The following TTC28 variants were observed in gnomAD, a reference collection of about 807,000 sequenced individuals.
TTC28 encodes the protein tetratricopeptide repeat domain 28.
In TTC28, 61 loss-of-function variants were observed where a neutral mutation model predicts 198.0. That is an observed-to-expected ratio of 0.31 (90% CI 0.25 to 0.38). The LOEUF is 0.38. TTC28 is among the 10% of genes least tolerant of loss of function. The pLI is 1.00. For synonymous variants in TTC28, 1,171 were observed against 1,297.8 expected (o/e 0.90, Z 2.10); for missense variants, 2,678 against 3,164.0 (o/e 0.85, Z 3.69).
chr22:28,072,810 G>A lies in TTC28; in HGVS notation c.3932+21270C>T, dbSNP rs553903634. Among the ~76,000 whole-genome samples, 26 of 152,310 alleles carry A rather than the reference G, an allele frequency of 1.7e-4. No homozygotes were observed. In the South Asian group the frequency reaches 5.4e-3, roughly 32 times the overall value. ...AAGCCGGCTCCTGTTGGAACAGAGG[G>A]TTTACACCAGGAGATAGAGTGGGAC... On this transcript the variant is annotated intron_variant, in intron 12 of 22. Transcript: ENST00000397906.
At position 28,018,306 on chromosome 22, in the gene TTC28, C is replaced by T. The variant is rs562650687; in HGVS notation, c.4074-3914G>A. On this transcript the variant is annotated intron_variant, in intron 13 of 22. Coordinates refer to ENST00000397906, the MANE Select transcript of TTC28 (RefSeq NM_001145418.2). The stretch of plus-strand genomic sequence containing the variant: ...GTGTGTGCGCGCGTGTGTGCGCGCG[C>T]GGGGGGGGGGGCGGGGAACCTGTCC... Among the ~76,000 whole-genome samples the T allele has an allele frequency of 3.7e-3, 182 of 49,242 alleles. 1 individual carries two copies. Among genetic ancestry groups the T allele is most frequent in the Non-Finnish European group, 5.1e-3 (110 of 21,454 alleles). The allele number at this position is 49,242 out of a possible 152,430, so 32.3% of individuals were successfully genotyped here. A position where few individuals can be genotyped will look rare whatever the true frequency, so the allele number is the denominator to read the frequency against.
chr22:28,024,008 T>C (rs1016629647), intron 13 of TTC28, among the ~76,000 whole-genome samples: 1 of 152,160 alleles, frequency 6.6e-6, no homozygotes, highest in South Asian at 2.1e-4. Flanking sequence ...ATCTTTGTTA[T>C]TGTTGTTATA....
chr22:28,181,006 C>A (rs1923640573), intron 5 of TTC28, among the ~76,000 whole-genome samples: 2 of 152,144 alleles, frequency 1.3e-5, no homozygotes, highest in East Asian at 1.9e-4. Context: ...TATCTAAATT[C>A]TTTTCTACCT....
At chr22:28,474,765 C>A (rs2048139520) in intron 2 of TTC28, among the ~76,000 whole-genome samples, 1 of 152,146 alleles carries the variant, frequency 6.6e-6, no homozygotes, top group African/African-American at 2.4e-5. Context: ...TGCCCTTGCT[C>A]AGAGAGCTTG....
At chr22:28,594,715 C>A (rs976737582) in intron 2 of TTC28, among the ~76,000 whole-genome samples, 4 of 152,100 alleles carry the variant, frequency 2.6e-5, no homozygotes, top group African/African-American at 9.7e-5. Flanking sequence ...TAGATAGGAT[C>A]CTCTCTTTGA....
intron 2 of TTC28, among the ~76,000 whole-genome samples, chr22:28,485,696 G>C (rs1215203714): frequency 6.6e-6 from 1 of 152,072 alleles, no homozygotes; most frequent in Non-Finnish European, 1.5e-5. Flanking sequence ...AATATCAAAA[G>C]GGAAAGAAAA....
Position 28,122,617 on chromosome 22 carries a change from T to C in TTC28, c.1442-14214A>G, listed in dbSNP as rs370840907. Among the ~76,000 whole-genome samples the C allele has an allele frequency of 3.9e-3, 592 of 152,320 alleles. 7 individuals carry two copies. Among genetic ancestry groups the C allele is most frequent in the South Asian group, 0.031 (151 of 4,824 alleles). On this transcript the variant is annotated intron_variant, in intron 6 of 22. Coordinates refer to ENST00000397906, the MANE Select transcript of TTC28 (RefSeq NM_001145418.2). ...GGTTGTTTTGTTTACATTACTGAAA[T>C]CATATTATATGCACTGATTTCAAAA...
intron 6 of TTC28, among the ~76,000 whole-genome samples, chr22:28,121,985 A>G (rs953942253): frequency 6.6e-6 from 1 of 152,154 alleles, no homozygotes; most frequent in Non-Finnish European, 1.5e-5. Flanking sequence ...CTCCTGCCTC[A>G]GCCTCCTGAG....
At chr22:28,023,211 C>T (rs1369783363) in intron 13 of TTC28, among the ~76,000 whole-genome samples, 1 of 152,278 alleles carries the variant, frequency 6.6e-6, no homozygotes, top group Non-Finnish European at 1.5e-5. Flanking sequence ...GGGTCTGCAC[C>T]TGCCCTCCTG....
At chr22:28,215,612 GTGTGTGTGTA>G (rs1203358093) in intron 5 of TTC28, among the ~76,000 whole-genome samples, 1 of 152,044 alleles carries the variant, frequency 6.6e-6, no homozygotes, top group Admixed American at 6.6e-5. Flanking sequence ...CACACATGGT[GTGTGTGTGTA>G]TGTGTGTGTG....
intron 6 of TTC28, among the ~76,000 whole-genome samples, chr22:28,125,228 G>C (rs1316355363): frequency 1.3e-5 from 2 of 152,192 alleles, no homozygotes; most frequent in Non-Finnish European, 2.9e-5. Flanking sequence ...GCTACTGTTG[G>C]TATGAACCTG....
intron 6 of TTC28, among the ~76,000 whole-genome samples, chr22:28,161,517 C>T (rs1452410052): frequency 1.3e-5 from 2 of 152,026 alleles, no homozygotes; most frequent in Non-Finnish European, 2.9e-5. Context: ...GTCAGGGTGG[C>T]ATGCACTGCA....
intron 2 of TTC28, among the ~76,000 whole-genome samples, chr22:28,606,321 C>CCGT (rs2050734539): frequency 6.6e-6 from 1 of 151,952 alleles, no homozygotes; most frequent in Admixed American, 6.6e-5. Context: ...GAACCCCTGA[C>CCGT]CTCGCGATCC....
At chr22:28,590,413 G>C (rs922620840) in intron 2 of TTC28, among the ~76,000 whole-genome samples, 2 of 152,092 alleles carry the variant, frequency 1.3e-5, no homozygotes, top group Non-Finnish European at 2.9e-5. Context: ...ACAGGCGTGA[G>C]CCACCACGCC....
At chr22:28,255,083 T>C (rs1666584394) in intron 5 of TTC28, among the ~76,000 whole-genome samples, 1 of 152,144 alleles carries the variant, frequency 6.6e-6, no homozygotes, top group Non-Finnish European at 1.5e-5. Context: ...GTGAAACCCC[T>C]GAGTTTCTTC....
chr22:28,475,950 T>G (rs954020426), intron 2 of TTC28, among the ~76,000 whole-genome samples: 1 of 152,218 alleles, frequency 6.6e-6, no homozygotes, highest in African/African-American at 2.4e-5. Context: ...CTGCTTTGAA[T>G]GAAATTAGTC....
chr22:28,169,519 AG>A (rs1922422281), intron 5 of TTC28, among the ~76,000 whole-genome samples: 2 of 152,192 alleles, frequency 1.3e-5, no homozygotes, highest in Non-Finnish European at 2.9e-5. Context: ...TGTCCTTTGT[AG>A]GGACATGGAT....
chr22:28,242,174 C>CAATT (rs1474842496), intron 5 of TTC28, among the ~76,000 whole-genome samples: 4 of 152,164 alleles, frequency 2.6e-5, no homozygotes, highest in African/African-American at 9.7e-5. Context: ...CACAGCACAC[C>CAATT]AATTACCTGT....
intron 12 of TTC28, among the ~76,000 whole-genome samples, chr22:28,046,741 T>C (rs951226795): frequency 1.3e-5 from 2 of 152,190 alleles, no homozygotes; most frequent in Non-Finnish European, 2.9e-5. Flanking sequence ...ACAGGCTGCC[T>C]GTAAACATAG....
Sources: allele counts gnomAD v4.1 joint callset (sites outside exome capture counted in the v4.1 genomes callset), GRCh38; gene constraint gnomAD v4.1.1; transcripts MANE v1.5; gene names NCBI Gene and HGNC (gene_info 2026-07-23, HGNC 2026-07-21).